Variants in PRKAG2 observed in about 807,000 individuals in gnomAD.
The protein encoded by PRKAG2 is 5'-AMP-activated protein kinase subunit gamma-2.
PRKAG2 carries 26 observed loss-of-function variants against 69.6 expected under a neutral mutation model. The observed-to-expected ratio is 0.37, with a 90% CI of 0.27 to 0.52. The LOEUF is 0.52. Ranked by LOEUF, PRKAG2 falls within the 20% of genes least tolerant of loss-of-function variation. The probability of loss-of-function intolerance (pLI) is 0.90; values close to 1 mark genes in which losing one functional copy is unlikely to be tolerated. For synonymous variants in PRKAG2, 293 were observed against 285.0 expected (o/e 1.03, Z -0.28); for missense variants, 557 against 740.0 (o/e 0.75, Z 2.87).
At chr7:151,572,088 T>C (rs956681251) in intron 9 of PRKAG2, among the ~76,000 whole-genome samples, 3 of 152,164 alleles carry the variant, frequency 2.0e-5, no homozygotes, top group African/African-American at 7.2e-5. Context: ...ATTTAAGAAA[T>C]GGTTCTATGG....
rs939404253 is a variant in PRKAG2 at position 151,747,716 on chromosome 7, C to G, written c.466+33436G>C. ...TTCATTCCTTGAGACTGGCAAGATA[C>G]AAAAACAAAACAAAACAAAACAAAA... On this transcript the variant is annotated intron_variant, in intron 3 of 15. Transcript: ENST00000287878. 2.0e-5 allele frequency among the ~76,000 whole-genome samples: 3 copies of G among 152,024 alleles called. No individual in the cohort carries two copies. The South Asian group carries it at 6.2e-4, about 32-fold the overall frequency.
In PRKAG2 at chr7:151,719,104, G is replaced by T. The variant is rs143139508; in HGVS notation, c.467-43467C>A. ...AAATGGAGGGGACTGAAGGAGACGTGTGCCACCCTGTTCCCCGAGCGTTGC... is the reference window on the plus strand; with the variant it reads ...AAATGGAGGGGACTGAAGGAGACGTTTGCCACCCTGTTCCCCGAGCGTTGC... On this transcript the variant is annotated intron_variant, in intron 3 of 15. Transcript: ENST00000287878. The surrounding 1 kb of genome is among the most constrained non-coding windows in gnomAD (Gnocchi z 5.2). 1.9e-3 allele frequency among the ~76,000 whole-genome samples: 296 copies of T among 152,262 alleles called. 2 individuals are homozygous for T. Among genetic ancestry groups the T allele is most frequent in the Non-Finnish European group, 3.6e-3 (243 of 68,028 alleles).
At chr7:151,568,451 A>C (rs1314688146) in intron 11 of PRKAG2, among the ~76,000 whole-genome samples, 2 of 152,210 alleles carry the variant, frequency 1.3e-5, no homozygotes, top group Non-Finnish European at 2.9e-5. Flanking sequence ...TGCTGGTGAC[A>C]AATGTTTTAA....
At position 151,617,266 on chromosome 7, in the gene PRKAG2, A is replaced by AGGAGCGAAGGAAGGAGGGAG. The variant is rs1554497102; in HGVS notation, c.754+14802_754+14803insCTCCCTCCTTCCTTCGCTCC. Among the ~76,000 whole-genome samples the AGGAGCGAAGGAAGGAGGGAG allele has an allele frequency of 2.2e-3, 211 of 96,296 alleles. 1 individual carries two copies. Among genetic ancestry groups the AGGAGCGAAGGAAGGAGGGAG allele is most frequent in the African/African-American group, 9.5e-3 (202 of 21,302 alleles). The allele number at this position is 96,296 out of a possible 152,430, so 63.2% of individuals were successfully genotyped here. On this transcript the variant is annotated intron_variant, in intron 5 of 15. Coordinates refer to ENST00000287878, the MANE Select transcript of PRKAG2 (RefSeq NM_016203.4). ...CAAGAGCAAGGGAAGGAGCGAGGGA[A>AGGAGCGAAGGAAGGAGGGAG]GGAGGGAGGGAGGGAAAGAGGGAGG...
chr7:151,707,705 G>A (rs1053216094), intron 3 of PRKAG2, among the ~76,000 whole-genome samples: 2 of 152,182 alleles, frequency 1.3e-5, no homozygotes, highest in Admixed American at 1.3e-4. Flanking sequence ...CACCACTGCT[G>A]CAGTGGCAAA....
intron 3 of PRKAG2, among the ~76,000 whole-genome samples, chr7:151,692,717 C>A (rs950061064): frequency 6.6e-6 from 1 of 152,152 alleles, no homozygotes; most frequent in African/African-American, 2.4e-5. Context: ...GAGGGACAGG[C>A]AGGGCTCGGA....
chr7:151,834,714 C>T (rs1194431431), intron 1 of PRKAG2, among the ~76,000 whole-genome samples: 2 of 152,224 alleles, frequency 1.3e-5, no homozygotes, highest in African/African-American at 4.8e-5. Flanking sequence ...ACCCCAGGAA[C>T]GGAGTGGAGG....
chr7:151,821,661 C>CT (rs1170320977), intron 1 of PRKAG2, among the ~76,000 whole-genome samples: 1 of 152,216 alleles, frequency 6.6e-6, no homozygotes, highest in Non-Finnish European at 1.5e-5. Context: ...CAAGTCCTCT[C>CT]TAAGACACAT....
At chr7:151,557,886 A>C (rs529032808) in intron 15 of PRKAG2, 2 of 976,670 alleles carry the variant, frequency 2.0e-6, no homozygotes, top group Non-Finnish European at 2.4e-6. Context: ...TAAAAAAAAA[A>C]AAAACAAAAA....
At chr7:151,575,382 G>A (rs763152731) in intron 7 of PRKAG2, among the ~76,000 whole-genome samples, 2 of 152,178 alleles carry the variant, frequency 1.3e-5, no homozygotes, top group African/African-American at 2.4e-5. Flanking sequence ...CATTTATTGA[G>A]TGCTTTTGAC....
chr7:151,776,273 C>G (rs2076342251), intron 3 of PRKAG2, among the ~76,000 whole-genome samples: 1 of 152,254 alleles, frequency 6.6e-6, no homozygotes, highest in Non-Finnish European at 1.5e-5. Flanking sequence ...AATCCTTGCC[C>G]TTGTGAGTAG....
chr7:151,587,921 C>T (rs1812080776), intron 6 of PRKAG2, among the ~76,000 whole-genome samples: 1 of 152,128 alleles, frequency 6.6e-6, no homozygotes. Flanking sequence ...CACACTAACG[C>T]AAGATGTCAA....
chr7:151,806,436 GA>G (rs2078106122), intron 1 of PRKAG2: 2 of 153,064 alleles, frequency 1.3e-5, no homozygotes, highest in African/African-American at 4.8e-5. Flanking sequence ...GAACGGAAAG[GA>G]AATTGCACAT....
chr7:151,796,850 A>T (rs2077565913), intron 1 of PRKAG2, among the ~76,000 whole-genome samples: 1 of 152,144 alleles, frequency 6.6e-6, no homozygotes, highest in Non-Finnish European at 1.5e-5. Flanking sequence ...CAGCCCCTGT[A>T]CGGAGGGAAC....
intron 4 of PRKAG2, among the ~76,000 whole-genome samples, chr7:151,649,353 T>C (rs527438778): frequency 2.0e-4 from 30 of 152,314 alleles, no homozygotes; most frequent in African/African-American, 7.0e-4. Flanking sequence ...CTTGAACTCC[T>C]GATCTCAAGT....
intron 1 of PRKAG2, among the ~76,000 whole-genome samples, chr7:151,787,605 G>C (rs2077078718): frequency 6.6e-6 from 1 of 152,154 alleles, no homozygotes; most frequent in African/African-American, 2.4e-5. Flanking sequence ...TTCATCAGTT[G>C]ATGGACATTT....
intron 5 of PRKAG2, chr7:151,631,846 G>A (rs955063360): frequency 6.1e-6 from 3 of 494,596 alleles, no homozygotes; most frequent in Non-Finnish European, 1.2e-5. Flanking sequence ...TGCGCTCTGG[G>A]AGCCTGGCTC....
At position 151,771,083 on chromosome 7, in the gene PRKAG2, C is replaced by G. The variant is rs1157141814; in HGVS notation, c.466+10069G>C. ...ATGTATAGGTTGCTTACAAAAATAA[C>G]CAGCCCTCCTCTGTTCCTTACTTCA... On this transcript the variant is annotated intron_variant, in intron 3 of 15. Coordinates refer to ENST00000287878, the MANE Select transcript of PRKAG2 (RefSeq NM_016203.4). This position sits in a 1 kb window ranked among gnomAD's most constrained non-coding sequence, Gnocchi z 4.0. Among the ~76,000 whole-genome samples the G allele has an allele frequency of 6.6e-6, 1 of 152,170 alleles. No individual in the cohort carries two copies. The highest frequency in any genetic ancestry group is 1.9e-4 in the East Asian group (1 of 5,204).
chr7:151,781,040 A>T lies in PRKAG2; in HGVS notation c.466+112T>A. Reference sequence around the variant, plus strand: ...GGAGAAACAGATACAGGCACTCAGCACCAAGCTGCTCACAGCCACCTGGCA... The same window carrying T: ...GGAGAAACAGATACAGGCACTCAGCTCCAAGCTGCTCACAGCCACCTGGCA... On this transcript the variant is annotated intron_variant, in intron 3 of 15. Transcript: ENST00000287878. The surrounding 1 kb of genome is among the most constrained non-coding windows in gnomAD (Gnocchi z 6.1). 6.9e-7 allele frequency: 1 copy of T among 1,447,924 alleles called. No homozygotes were observed. Among genetic ancestry groups the T allele is most frequent in the South Asian group, 1.2e-5 (1 of 86,766 alleles). The allele number at this position is 1,447,924 out of a possible 1,614,324, so 89.7% of individuals were successfully genotyped here.
Sources: gnomAD v4.1 joint callset for allele counts (sites outside exome capture counted in the v4.1 genomes callset) on GRCh38, gnomAD v4.1.1 for gene constraint, Gnocchi (gnomAD v3.1) non-coding constraint, MANE v1.5 for transcripts, NCBI Gene and HGNC (gene_info 2026-07-23, HGNC 2026-07-21) for gene names.